Variants in LONP2 observed in about 807,000 individuals in gnomAD.
LONP2 encodes lon peptidase 2, peroxisomal, also known as lon protease homolog 2, peroxisomal.
LONP2 carries 60 observed loss-of-function variants against 85.6 expected under a neutral mutation model. The observed-to-expected ratio is 0.70, with a 90% confidence interval of 0.57 to 0.87. LONP2 has a LOEUF of 0.87. Ranked by LOEUF, LONP2 falls within the 40% of genes least tolerant of loss-of-function variation. The pLI, the probability that LONP2 is intolerant of heterozygous loss-of-function variation, is 0.00. For synonymous variants in LONP2, 395 were observed against 389.7 expected, an observed-to-expected ratio of 1.01 and a Z score of -0.16; for missense variants, 860 against 1,063.5, an observed-to-expected ratio of 0.81 and a Z score of 2.66.
chr16:48,279,304 G>A (rs1972277130), intron 8 of LONP2, among the ~76,000 whole-genome samples: 1 of 152,034 alleles, frequency 6.6e-6, no homozygotes, highest in Non-Finnish European at 1.5e-5. Context: ...ATAGGAGTGG[G>A]GCTTATCAAC....
chr16:48,348,368 T>C, intron 14 of LONP2, 78 bp downstream of exon 14: 1 of 960,720 alleles, frequency 1.0e-6, no homozygotes, highest in Non-Finnish European at 1.4e-6. Context: ...AATACGGGTT[T>C]GCCTTCTTTC....
intron 12 of LONP2, chr16:48,344,678 GC>G (rs1024685903): frequency 1.3e-5 from 2 of 152,196 alleles, no homozygotes; most frequent in African/African-American, 4.8e-5. Context: ...ACTTTAGGAG[GC>G]CAAGATGGAA....
At chr16:48,340,751 G>A (rs1959786800) in intron 12 of LONP2, among the ~76,000 whole-genome samples, 3 of 152,108 alleles carry the variant, frequency 2.0e-5, no homozygotes, top group East Asian at 1.9e-4. Context: ...GCTTGAGTTC[G>A]AGACCAACCT....
chr16:48,346,665 G>A (rs748252724), intron 12 of LONP2, among the ~76,000 whole-genome samples: 26 of 152,006 alleles, frequency 1.7e-4, no homozygotes, highest in Non-Finnish European at 3.4e-4. Context: ...GCCCACACTG[G>A]TCTCTATCGA....
chr16:48,258,137 G>A (rs994060820), intron 3 of LONP2, among the ~76,000 whole-genome samples: 41 of 152,094 alleles, frequency 2.7e-4, no homozygotes, highest in African/African-American at 8.2e-4. Flanking sequence ...CACGAGGTCA[G>A]GAGATCGAGA....
chr16:48,273,281 G>A (rs1483490337), intron 7 of LONP2, among the ~76,000 whole-genome samples: 1 of 152,112 alleles, frequency 6.6e-6, no homozygotes, highest in Admixed American at 6.6e-5. Context: ...AAAAGTACCT[G>A]CGTATGAGAA....
downstream of LONP2, among the ~76,000 whole-genome samples, chr16:48,359,015 T>C (rs1446943247): frequency 6.6e-6 from 1 of 152,036 alleles, no homozygotes; most frequent in Non-Finnish European, 1.5e-5. Flanking sequence ...GAGCCAAGAG[T>C]CTCAGTCCGT....
chr16:48,260,045 A>G (rs1224222152), intron 4 of LONP2, among the ~76,000 whole-genome samples: 1 of 152,240 alleles, frequency 6.6e-6, no homozygotes, highest in South Asian at 2.1e-4. Context: ...TTTAGCAGTC[A>G]GGAAGGAAAA....
At chr16:48,332,914 T>C (rs1168248498) in intron 11 of LONP2, among the ~76,000 whole-genome samples, 2 of 140,866 alleles carry the variant, frequency 1.4e-5, no homozygotes, top group African/African-American at 2.9e-5. Context: ...TCTCAAAAAA[T>C]ATAGATAGAT....
chr16:48,304,596 C>T (rs1972873704), intron 11 of LONP2, among the ~76,000 whole-genome samples: 1 of 152,016 alleles, frequency 6.6e-6, no homozygotes, highest in South Asian at 2.1e-4. Flanking sequence ...CCCCGCTACT[C>T]TGGAGGTTGA....
rs1485179603 is a variant in LONP2, at chr16:48,289,406, A to C, written c.1384-6609A>C. On this transcript the variant is annotated intron_variant, in intron 8 of 14. Coordinates refer to ENST00000285737, the MANE Select transcript of LONP2 (RefSeq NM_031490.5). ...AGGGCTTCCAGGTCACAGGTAGATA[A>C]GAGACAAACCCTTGTGTTCTTTTGA... 3.9e-5 allele frequency among the ~76,000 whole-genome samples: 6 copies of C among 152,306 alleles called. No individual in the cohort carries two copies. In the East Asian group the frequency reaches 1.2e-3, roughly 29 times the overall value.
intron 11 of LONP2, among the ~76,000 whole-genome samples, chr16:48,312,123 A>C (rs1259392259): frequency 6.7e-6 from 1 of 149,116 alleles, no homozygotes; most frequent in Non-Finnish European, 1.5e-5. Flanking sequence ...GTATTTTTTT[A>C]GTAGAGATGC....
chr16:48,321,669 G>A (rs1303700393), intron 11 of LONP2, among the ~76,000 whole-genome samples: 1 of 152,172 alleles, frequency 6.6e-6, no homozygotes, highest in East Asian at 1.9e-4. Flanking sequence ...AACTTCTACA[G>A]CATGTGACTA....
chr16:48,277,134 G>T (rs1972224525), intron 7 of LONP2, among the ~76,000 whole-genome samples: 1 of 152,208 alleles, frequency 6.6e-6, no homozygotes, highest in Non-Finnish European at 1.5e-5. Context: ...GCAACTTGTA[G>T]CCAGAATTAA....
chr16:48,246,010 G>T (rs1450036241), intron 1 of LONP2, among the ~76,000 whole-genome samples: 1 of 151,972 alleles, frequency 6.6e-6, no homozygotes, highest in Non-Finnish European at 1.5e-5. Context: ...TTTCCGGAGG[G>T]TTGGACATGT....
Position 48,303,067 on chromosome 16 carries a change from G to A in LONP2, c.1662-105G>A, listed in dbSNP as rs1555481720. ...AAGTTAGTACTCAAGAAAGGGTAAT[G>A]AACTTTTAAATGTACACTGTTTTAC... On this transcript the variant is annotated intron_variant, in intron 10 of 14. Coordinates refer to ENST00000285737, the MANE Select transcript of LONP2 (RefSeq NM_031490.5). 86 of 1,249,676 alleles carry A rather than the reference G, an allele frequency of 6.9e-5. 1 individual carries two copies. In the South Asian group the frequency reaches 1.2e-3, roughly 18 times the overall value. 77.4% of individuals were successfully genotyped at this position (1,249,676 alleles called of 1,614,324 possible). A position where few individuals can be genotyped will look rare whatever the true frequency, so the allele number is the denominator to read the frequency against.
intron 11 of LONP2, among the ~76,000 whole-genome samples, chr16:48,332,187 G>C (rs1037193627): frequency 1.3e-5 from 2 of 152,074 alleles, no homozygotes; most frequent in Admixed American, 6.5e-5. Context: ...ATAAAATAAG[G>C]GTCTACTAGT....
chr16:48,332,846 T>G (rs1466830718), intron 11 of LONP2, among the ~76,000 whole-genome samples: 2 of 152,184 alleles, frequency 1.3e-5, no homozygotes, highest in Non-Finnish European at 2.9e-5. Flanking sequence ...AGGCAGAGGT[T>G]GCAGTGAGCC....
chr16:48,299,220 T>G (rs1972745923), intron 9 of LONP2, among the ~76,000 whole-genome samples: 1 of 152,124 alleles, frequency 6.6e-6, no homozygotes, highest in Non-Finnish European at 1.5e-5. Context: ...GTAATTATAG[T>G]CTCATTTGAA....
Sources: allele counts gnomAD v4.1 joint callset (sites outside exome capture counted in the v4.1 genomes callset), GRCh38; gene constraint gnomAD v4.1.1; transcripts MANE v1.5; gene names NCBI Gene and HGNC (gene_info 2026-07-23, HGNC 2026-07-21).